The following IBA57 variants were observed in gnomAD, a reference collection of about 807,000 sequenced individuals.
IBA57 encodes the protein iron-sulfur cluster assembly factor IBA57, mitochondrial.
IBA57 carries 20 observed loss-of-function variants against 20.4 expected under a neutral mutation model. That is an observed-to-expected ratio of 0.98 (90% CI 0.69 to 1.42). IBA57 has a LOEUF of 1.42. Ranked by LOEUF, IBA57 falls within the 40% of genes most tolerant of loss-of-function variation. The pLI, the probability that IBA57 is intolerant of heterozygous loss-of-function variation, is 0.00. For missense variants in IBA57, 608 were observed against 499.3 expected, an observed-to-expected ratio of 1.22 and a Z score of -2.07; for synonymous variants, 310 against 233.9, an observed-to-expected ratio of 1.33 and a Z score of -2.97.
rs986335745 is a variant in IBA57, at chr1:228,178,315, G to C, written c.*2802G>C. 7.2e-5 allele frequency: 11 copies of C among 152,380 alleles called. No individual in the cohort carries two copies. The highest frequency in any genetic ancestry group is 2.7e-4 in the African/African-American group (11 of 41,430). The allele number at this position is 152,380 out of a possible 1,614,324, so 9.4% of individuals were successfully genotyped here. Reference sequence around the variant, plus strand: ...AAGCCAGATATGGGCGGGTGTGGTGGCTCATGCCTGTGATCCCAGCACTTT... The same window carrying C: ...AAGCCAGATATGGGCGGGTGTGGTGCCTCATGCCTGTGATCCCAGCACTTT... On this transcript the variant is annotated 3_prime_UTR_variant, in exon 3 of 3. Transcript: ENST00000366711.
rs905717887 is a variant in IBA57, at chr1:228,178,221, C to T, written c.*2708C>T. 6.6e-6 allele frequency: 1 copy of T among 152,178 alleles called. No homozygotes were observed. Among genetic ancestry groups the T allele is most frequent in the Non-Finnish European group, 1.5e-5 (1 of 68,044 alleles). The allele number at this position is 152,178 out of a possible 1,614,324, so 9.4% of individuals were successfully genotyped here. A position where few individuals can be genotyped will look rare whatever the true frequency, so the allele number is the denominator to read the frequency against. On this transcript the variant is annotated 3_prime_UTR_variant, in exon 3 of 3. Coordinates refer to ENST00000366711, the MANE Select transcript of IBA57 (RefSeq NM_001010867.4). The stretch of plus-strand genomic sequence containing the variant: ...ACGTGTGGTGTTTGACTGTCTGTTT[C>T]TGAGCTGTTTTACTTAACACAGTGT...
rs1410889500 is a variant in IBA57, at chr1:228,181,170, CTT to C, written c.*5658_*5659del. The C allele has an allele frequency of 6.6e-6, 1 of 152,242 alleles. No individual in the cohort carries two copies. The highest frequency in any genetic ancestry group is 1.5e-5 in the Non-Finnish European group (1 of 68,052). 9.4% of individuals were successfully genotyped at this position (152,242 alleles called of 1,614,324 possible). A position where few individuals can be genotyped will look rare whatever the true frequency, so the allele number is the denominator to read the frequency against. On this transcript the variant is annotated 3_prime_UTR_variant, in exon 3 of 3. Coordinates refer to ENST00000366711, the MANE Select transcript of IBA57 (RefSeq NM_001010867.4). ...GTAAGTCCAGCCCGCTTGTGCCTCT[CTT>C]GCCCTCCAGTGTTCAAAGCACCATC...
In IBA57 at chr1:228,179,794, A is replaced by G. The variant is rs2035078863; in HGVS notation, c.*4281A>G. ...ACAGTGGAAGCCAGAAAGATAGTAAATAATATCTTCAAAGTCCTGGGAGAA... is the reference window on the plus strand; with the variant it reads ...ACAGTGGAAGCCAGAAAGATAGTAAGTAATATCTTCAAAGTCCTGGGAGAA... On this transcript the variant is annotated 3_prime_UTR_variant, in exon 3 of 3. Transcript: ENST00000366711. 1 of 152,240 alleles carries G rather than the reference A, an allele frequency of 6.6e-6. No homozygotes were observed. Among genetic ancestry groups the G allele is most frequent in the Non-Finnish European group, 1.5e-5 (1 of 68,036 alleles). 9.4% of individuals were successfully genotyped at this position (152,240 alleles called of 1,614,324 possible).
At position 228,178,510 on chromosome 1, in the gene IBA57, G is replaced by A. The variant is rs2035061500; in HGVS notation, c.*2997G>A. On this transcript the variant is annotated 3_prime_UTR_variant, in exon 3 of 3. Transcript: ENST00000366711. ...GTGCGAGGATCACTTGAGCCCAGGA[G>A]GTTGAGGCTGCAGTGAGCTGTGATT... 6.6e-6 allele frequency: 1 copy of A among 152,548 alleles called. No individual in the cohort carries two copies. Among genetic ancestry groups the A allele is most frequent in the Non-Finnish European group, 1.5e-5 (1 of 68,300 alleles). 9.4% of individuals were successfully genotyped at this position (152,548 alleles called of 1,614,324 possible).
At position 228,175,889 on chromosome 1, in the gene IBA57, G is replaced by A; in HGVS notation, c.*376G>A. On this transcript the variant is annotated 3_prime_UTR_variant, in exon 3 of 3. Coordinates refer to ENST00000366711, the MANE Select transcript of IBA57 (RefSeq NM_001010867.4). ...ACTCTGCCTGGCATGAGCCTCATGG[G>A]GGGTTGGTCCCTGTGCCTGGAAGCG... 5.3e-6 allele frequency: 1 copy of A among 187,844 alleles called. No homozygotes were observed. Among genetic ancestry groups the A allele is most frequent in the Non-Finnish European group, 1.1e-5 (1 of 91,558 alleles). The allele number at this position is 187,844 out of a possible 1,614,324, so 11.6% of individuals were successfully genotyped here.
chr1:228,173,347 G>A (rs945014976), intron 1 of IBA57: 1 of 137,820 alleles, frequency 7.3e-6, no homozygotes, highest in Non-Finnish European at 1.5e-5. Flanking sequence ...GTCCATACCT[G>A]CAATCAACCC....
In IBA57 at chr1:228,174,601, C is replaced by T. The variant is rs1439270842; in HGVS notation, c.342-91C>T. On this transcript the variant is annotated intron_variant, in intron 1 of 2. Coordinates refer to ENST00000366711, the MANE Select transcript of IBA57 (RefSeq NM_001010867.4). ...CTTTGCGTTGGTCCACGGTGTGCTC[C>T]TCTGCCCGGGTAAGGCGCGCTCCCT... is the stretch of plus-strand genomic sequence containing the variant. 15 of 1,251,422 alleles carry T rather than the reference C, an allele frequency of 1.2e-5. No individual in the cohort carries two copies. The East Asian group carries it at 3.4e-4, about 28-fold the overall frequency. 77.5% of individuals were successfully genotyped at this position (1,251,422 alleles called of 1,614,324 possible). A position where few individuals can be genotyped will look rare whatever the true frequency, so the allele number is the denominator to read the frequency against.
chr1:228,168,371 G>A (rs1320768467), intron 1 of IBA57, among the ~76,000 whole-genome samples: 1 of 152,234 alleles, frequency 6.6e-6, no homozygotes, highest in Non-Finnish European at 1.5e-5. Flanking sequence ...ACAGGAGTCT[G>A]TTAGTAGTTA....
At position 228,170,845 on chromosome 1, in the gene IBA57, G is replaced by C. The variant is rs751690250; in HGVS notation, c.342-3847G>C. On this transcript the variant is annotated intron_variant, in intron 1 of 2. Transcript: ENST00000366711. This position sits in a 1 kb window ranked among gnomAD's most constrained non-coding sequence, Gnocchi z 4.8. ...GGTGGCCTGGGGAGGAGGGAGGAGA[G>C]AGAAGGGAAGGAGTCAGGCCGGGTC... 6.6e-6 allele frequency among the ~76,000 whole-genome samples: 1 copy of C among 152,148 alleles called. No individual in the cohort carries two copies. Among genetic ancestry groups the C allele is most frequent in the Non-Finnish European group, 1.5e-5 (1 of 68,014 alleles).
intron 1 of IBA57, 31 bp downstream of exon 1, chr1:228,166,188 C>A: frequency 8.6e-7 from 1 of 1,158,396 alleles, no homozygotes; most frequent in South Asian, 1.7e-5. Context: ...CGCTCGGGGG[C>A]GGGCACCCAG....
Position 228,169,404 on chromosome 1 carries a change from G to A in IBA57, c.341+3247G>A, listed in dbSNP as rs549010112. On this transcript the variant is annotated intron_variant, in intron 1 of 2. Coordinates refer to ENST00000366711, the MANE Select transcript of IBA57 (RefSeq NM_001010867.4). Reference sequence around the variant, plus strand: ...ATGAAACTATAGTTATTTGGTTGTTGTCTTTTAATAGGAGTTGCTTTTTAG... The same window carrying A: ...ATGAAACTATAGTTATTTGGTTGTTATCTTTTAATAGGAGTTGCTTTTTAG... Among the ~76,000 whole-genome samples the A allele has an allele frequency of 6.6e-5, 10 of 152,276 alleles. No individual in the cohort carries two copies. The South Asian group carries it at 2.1e-3, about 32-fold the overall frequency.
In IBA57 at chr1:228,175,789, G is replaced by A. The variant is rs1047180998; in HGVS notation, c.*276G>A. 13 of 366,024 alleles carry A rather than the reference G, an allele frequency of 3.6e-5. No homozygotes were observed. The highest frequency in any genetic ancestry group is 7.4e-4 in the Middle Eastern group (1 of 1,360). The allele number at this position is 366,024 out of a possible 1,614,324, so 22.7% of individuals were successfully genotyped here. On this transcript the variant is annotated 3_prime_UTR_variant, in exon 3 of 3. Transcript: ENST00000366711. ...CAGATGGCGCCGGGTCCCAATCGTG[G>A]CTCCACACAGGGTTGTCTGGGAGGA...
intron 1 of IBA57, chr1:228,173,083 T>G (rs1416090554): frequency 6.6e-6 from 1 of 152,340 alleles, no homozygotes; most frequent in Non-Finnish European, 1.5e-5. Context: ...TGCCTACTGG[T>G]TCTGGGTGAT....
intron 1 of IBA57, among the ~76,000 whole-genome samples, chr1:228,168,087 C>T (rs755496995): frequency 3.9e-5 from 6 of 152,156 alleles, no homozygotes; most frequent in African/African-American, 7.2e-5. Flanking sequence ...GTCACTTATG[C>T]GTGGATTTTC....
rs2034979994 is a variant in IBA57, at chr1:228,174,707, G to T, written c.357G>T (p.Ser119=). 2.5e-6 allele frequency: 4 copies of T among 1,574,238 alleles called. No homozygotes were observed. The change falls in exon 2 of 3, where the codon TCG becomes TCT. Residue 119 remains serine, a synonymous_variant. Coordinates refer to ENST00000366711, the MANE Select transcript of IBA57 (RefSeq NM_001010867.4). ...CTCCCTGCAGGCTCCAGGAACACTC[G>T]GAGGTGTCTGGCTTCCTTCTGGAGT... ...DVILYGLQEH[S]EVSGFLLECD... is the part of the protein sequence containing the mutation.
intron 1 of IBA57, 188 bp from the exon 2 acceptor site, chr1:228,174,504 C>T (rs2034973800): frequency 1.3e-5 from 1 of 78,638 alleles, no homozygotes; most frequent in Non-Finnish European, 3.0e-5. Context: ...TCGCTGTGGG[C>T]GTGGCTCCCT....
chr1:228,165,893 C>A lies in IBA57; in HGVS notation c.77C>A (p.Ala26Asp). ...GPVWRWRLRA[A>D]PRCRLAHSSC... ...GTCTGGCGCTGGCGGCTGCGCGCGG[C>A]CCCAAGGTGCCGCCTGGCCCACAGC... is the stretch of plus-strand genomic sequence containing the variant. The change falls in exon 1 of 3, where the codon GCC becomes GAC. Residue 26 changes from alanine (A) to aspartate (D), a missense_variant. Coordinates refer to ENST00000366711, the MANE Select transcript of IBA57 (RefSeq NM_001010867.4). The A allele has an allele frequency of 7.1e-7, 1 of 1,400,606 alleles. No homozygotes were observed. Among genetic ancestry groups the A allele is most frequent in the Non-Finnish European group, 9.3e-7 (1 of 1,080,716 alleles). The allele number at this position is 1,400,606 out of a possible 1,614,324, so 86.8% of individuals were successfully genotyped here.
At position 228,181,043 on chromosome 1, in the gene IBA57, A is replaced by G. The variant is rs2035103000; in HGVS notation, c.*5530A>G. ...AGGCACTGTGCTAACTTCATGTTGA[A>G]ATTGAATTGCCATTCTAACAGTGTT... On this transcript the variant is annotated 3_prime_UTR_variant, in exon 3 of 3. Coordinates refer to ENST00000366711, the MANE Select transcript of IBA57 (RefSeq NM_001010867.4). The G allele has an allele frequency of 6.6e-6, 1 of 152,078 alleles. No individual in the cohort carries two copies. Among genetic ancestry groups the G allele is most frequent in the Non-Finnish European group, 1.5e-5 (1 of 68,052 alleles). 9.4% of individuals were successfully genotyped at this position (152,078 alleles called of 1,614,324 possible).
In IBA57 at chr1:228,181,046, T is replaced by G. The variant is rs1448060155; in HGVS notation, c.*5533T>G. ...CACTGTGCTAACTTCATGTTGAAAT[T>G]GAATTGCCATTCTAACAGTGTTAAG... On this transcript the variant is annotated 3_prime_UTR_variant, in exon 3 of 3. Transcript: ENST00000366711. 1 of 152,136 alleles carries G rather than the reference T, an allele frequency of 6.6e-6. No homozygotes were observed. The highest frequency in any genetic ancestry group is 2.4e-5 in the African/African-American group (1 of 41,400). The allele number at this position is 152,136 out of a possible 1,614,324, so 9.4% of individuals were successfully genotyped here.
Sources: allele counts gnomAD v4.1 joint callset (sites outside exome capture counted in the v4.1 genomes callset), GRCh38; gene constraint gnomAD v4.1.1; non-coding constraint Gnocchi (gnomAD v3.1); transcripts MANE v1.5; gene names NCBI Gene and HGNC (gene_info 2026-07-23, HGNC 2026-07-21).